IL2RB: variants seen among roughly 807,000 people sequenced by gnomAD.
The protein encoded by IL2RB is interleukin-2 receptor subunit beta.
A neutral mutation model predicts 44.2 loss-of-function variants in IL2RB; 17 were observed. The ratio of observed to expected loss-of-function variants is 0.38; its 90% CI spans 0.26 to 0.58. IL2RB has a LOEUF of 0.58. IL2RB is among the 20% of genes least tolerant of loss of function. The pLI, the probability that IL2RB is intolerant of heterozygous loss-of-function variation, is 0.63. For missense variants in IL2RB, 624 were observed against 685.5 expected (o/e 0.91, Z 1.00); for synonymous variants, 286 against 297.9 (o/e 0.96, Z 0.41).
At chr22:37,149,473 C>T (rs1399213802) in intron 1 of IL2RB, among the ~76,000 whole-genome samples, 1 of 152,168 alleles carries the variant, frequency 6.6e-6, no homozygotes, top group Admixed American at 6.5e-5. Flanking sequence ...TATCCCGTAC[C>T]CTCTCCGGGC....
At chr22:37,134,830 C>T (rs957562998) in intron 8 of IL2RB, among the ~76,000 whole-genome samples, 3 of 152,288 alleles carry the variant, frequency 2.0e-5, no homozygotes, top group East Asian at 3.9e-4. Flanking sequence ...GGAGCTGGGG[C>T]GCATGCATGC....
At chr22:37,162,056 T>C (rs546372013) in intron 1 of IL2RB, 1 of 152,384 alleles carries the variant, frequency 6.6e-6, no homozygotes, top group East Asian at 1.9e-4. Flanking sequence ...GTAGAGTTTT[T>C]GCAACTGAAG....
chr22:37,137,539 G>C (rs1343433585), intron 6 of IL2RB, 48 bp downstream of exon 6: 4 of 1,600,148 alleles, frequency 2.5e-6, no homozygotes, highest in East Asian at 2.2e-5. Context: ...CATGGACCAG[G>C]ACAGGAAGGA....
intron 9 of IL2RB, among the ~76,000 whole-genome samples, chr22:37,131,883 T>A (rs1173927222): frequency 1.3e-5 from 2 of 152,178 alleles, no homozygotes; most frequent in African/African-American, 4.8e-5. Flanking sequence ...ATTACAGGCA[T>A]GCACCACCAG....
At chr22:37,139,832 A>G (rs1921879308) in intron 4 of IL2RB, among the ~76,000 whole-genome samples, 1 of 152,176 alleles carries the variant, frequency 6.6e-6, no homozygotes, top group African/African-American at 2.4e-5. Flanking sequence ...ATCCCATGGT[A>G]TGGGTGGGAA....
intron 8 of IL2RB, among the ~76,000 whole-genome samples, chr22:37,135,078 C>T (rs990885094): frequency 6.6e-6 from 1 of 152,132 alleles, no homozygotes; most frequent in East Asian, 1.9e-4. Context: ...TCCACAGGGC[C>T]CCCCTGTGGG....
At chr22:37,161,128 A>G (rs1922852828) in intron 1 of IL2RB, among the ~76,000 whole-genome samples, 1 of 152,240 alleles carries the variant, frequency 6.6e-6, no homozygotes, top group South Asian at 2.1e-4. Context: ...GGCCACAGGC[A>G]AGACTCCATC....
intron 3 of IL2RB, 65 bp from the exon 4 acceptor site, chr22:37,142,577 C>CAGAA (rs1469725480): frequency 6.7e-7 from 1 of 1,485,572 alleles, no homozygotes; most frequent in South Asian, 1.1e-5. Flanking sequence ...CCAAGGGACT[C>CAGAA]TTCTCAGATC....
chr22:37,156,275 C>G (rs966627625), intron 1 of IL2RB, among the ~76,000 whole-genome samples: 3 of 152,214 alleles, frequency 2.0e-5, no homozygotes, highest in Non-Finnish European at 4.4e-5. Flanking sequence ...CTCAGCTCAC[C>G]CGCGTGCTGC....
chr22:37,139,618 G>A (rs1425174489), intron 4 of IL2RB, among the ~76,000 whole-genome samples: 2 of 152,158 alleles, frequency 1.3e-5, no homozygotes, highest in East Asian at 3.9e-4. Context: ...GTTACAGGAG[G>A]CATGCAAGCT....
intron 1 of IL2RB, among the ~76,000 whole-genome samples, chr22:37,149,573 C>A (rs1922390780): frequency 6.6e-6 from 1 of 152,204 alleles, no homozygotes; most frequent in Non-Finnish European, 1.5e-5. Flanking sequence ...CCACAGCAGT[C>A]CCTAGCCTCC....
intron 1 of IL2RB, among the ~76,000 whole-genome samples, chr22:37,147,964 C>T (rs1922306248): frequency 6.6e-6 from 1 of 152,226 alleles, no homozygotes; most frequent in Admixed American, 6.5e-5. Flanking sequence ...AGGGGACCAT[C>T]AATGTTTTGT....
chr22:37,174,512 G>A (rs932617415), intron 1 of IL2RB, among the ~76,000 whole-genome samples: 12 of 152,136 alleles, frequency 7.9e-5, no homozygotes, highest in African/African-American at 2.7e-4. Context: ...TTCTGTATGT[G>A]TCCTATGAAA....
At chr22:37,132,640 G>C (rs1921492652) in intron 8 of IL2RB, among the ~76,000 whole-genome samples, 172 bp from the exon 9 acceptor site, 1 of 152,236 alleles carries the variant, frequency 6.6e-6, no homozygotes, top group Admixed American at 6.5e-5. Context: ...TTGGGCACTG[G>C]GGAGACAAGA....
Position 37,126,034 on chromosome 22 carries a change from T to C in IL2RB, c.*2062A>G, listed in dbSNP as rs1454150821. The C allele has an allele frequency of 2.6e-5, 4 of 152,206 alleles. No individual in the cohort carries two copies. Among genetic ancestry groups the C allele is most frequent in the African/African-American group, 7.2e-5 (3 of 41,444 alleles). The allele number at this position is 152,206 out of a possible 1,614,324, so 9.4% of individuals were successfully genotyped here. A position where few individuals can be genotyped will look rare whatever the true frequency, so the allele number is the denominator to read the frequency against. ...TCATTAAAAGATACGGATGTATAGATACATATGTCACAAATGATTAAGACT... is the reference window on the plus strand; with the variant it reads ...TCATTAAAAGATACGGATGTATAGACACATATGTCACAAATGATTAAGACT... On this transcript the variant is annotated 3_prime_UTR_variant, in exon 10 of 10. Coordinates refer to ENST00000216223, the MANE Select transcript of IL2RB (RefSeq NM_000878.5).
At chr22:37,146,521 T>C (rs1403433986) in intron 1 of IL2RB, among the ~76,000 whole-genome samples, 1 of 152,166 alleles carries the variant, frequency 6.6e-6, no homozygotes, top group Non-Finnish European at 1.5e-5. Flanking sequence ...CCTTCCCAAG[T>C]CTATCCTTTC....
chr22:37,153,780 C>G (rs900736874), upstream of IL2RB, among the ~76,000 whole-genome samples: 3 of 152,144 alleles, frequency 2.0e-5, no homozygotes, highest in Non-Finnish European at 2.9e-5. Context: ...GAACATATTT[C>G]CTGCCCCCAA....
chr22:37,138,703 G>A (rs778698878), intron 5 of IL2RB, among the ~76,000 whole-genome samples: 21 of 152,346 alleles, frequency 1.4e-4, no homozygotes, highest in Non-Finnish European at 2.6e-4. Flanking sequence ...GGTACAAAGG[G>A]CTAGGGGAGT....
chr22:37,140,971 C>T (rs965970994), intron 4 of IL2RB, among the ~76,000 whole-genome samples: 5 of 152,142 alleles, frequency 3.3e-5, no homozygotes, highest in East Asian at 1.9e-4. Context: ...AGGTGAAGGC[C>T]GCAGCTGCCC....
Sources: allele counts gnomAD v4.1 joint callset (sites outside exome capture counted in the v4.1 genomes callset), GRCh38; gene constraint gnomAD v4.1.1; transcripts MANE v1.5; gene names NCBI Gene and HGNC (gene_info 2026-07-23, HGNC 2026-07-21).